Variants in LSM4 observed in about 807,000 individuals in gnomAD.
The protein encoded by LSM4 is U6 snRNA-associated Sm-like protein LSm4.
Under a neutral mutation model 22.3 loss-of-function variants are expected in LSM4, and 15 were observed. That is an observed-to-expected ratio of 0.67 (90% CI 0.45 to 1.03). The LOEUF (loss-of-function observed/expected upper bound fraction) is 1.03, where lower values mean the gene tolerates loss of function less well. Among genes scored for constraint, LSM4 ranks in the 50% least tolerant of loss-of-function variants. LSM4 has a pLI of 0.00. For missense variants in LSM4, 127 were observed against 198.0 expected (o/e 0.64, Z 2.15); for synonymous variants, 90 against 79.8 (o/e 1.13, Z -0.68).
At chr19:18,320,862 C>G (rs949350719) in intron 1 of LSM4, among the ~76,000 whole-genome samples, 1 of 152,140 alleles carries the variant, frequency 6.6e-6, no homozygotes, top group Non-Finnish European at 1.5e-5. Flanking sequence ...AGGCCCCACC[C>G]TGGTTTATGG....
intron 1 of LSM4, among the ~76,000 whole-genome samples, chr19:18,316,917 A>T (rs1267345541): frequency 6.6e-6 from 1 of 152,128 alleles, no homozygotes; most frequent in Non-Finnish European, 1.5e-5. Context: ...GCCACATCTG[A>T]GCTGGTTTTA....
intron 3 of LSM4, among the ~76,000 whole-genome samples, chr19:18,311,574 G>A (rs767230943): frequency 3.9e-5 from 6 of 152,154 alleles, no homozygotes; most frequent in Admixed American, 6.5e-5. Flanking sequence ...TTCCAATACC[G>A]GAAGTGGACA....
intron 1 of LSM4, among the ~76,000 whole-genome samples, chr19:18,322,579 G>C (rs1161843181): frequency 6.6e-6 from 1 of 152,108 alleles, no homozygotes; most frequent in Non-Finnish European, 1.5e-5. Context: ...TGCAAGCTCT[G>C]AAATTCCTAA....
intron 2 of LSM4, among the ~76,000 whole-genome samples, chr19:18,314,887 T>C (rs865981135): frequency 1.6e-4 from 20 of 126,884 alleles, no homozygotes; most frequent in Non-Finnish European, 2.8e-4. Flanking sequence ...GTATGTAATA[T>C]TATCCTTTTT....
intron 1 of LSM4, among the ~76,000 whole-genome samples, chr19:18,318,459 G>A (rs993515257): frequency 2.4e-4 from 37 of 152,388 alleles, no homozygotes; most frequent in African/African-American, 8.9e-4. Context: ...AGGCAGGGGA[G>A]GAGGGCTGCG....
intron 3 of LSM4, chr19:18,312,372 G>A (rs1970307731): frequency 4.0e-6 from 2 of 496,540 alleles, no homozygotes; most frequent in East Asian, 3.7e-5. Flanking sequence ...GTCAGGGGTG[G>A]CACCAACAGA....
intron 2 of LSM4, among the ~76,000 whole-genome samples, 172 bp from the exon 3 acceptor site, chr19:18,312,874 C>G (rs977226677): frequency 6.6e-6 from 1 of 152,210 alleles, no homozygotes; most frequent in African/African-American, 2.4e-5. Flanking sequence ...CTCCGCTAGA[C>G]ACTTCGCTGG....
In LSM4 at chr19:18,319,140, G is replaced by A. The variant is rs139582294; in HGVS notation, c.4-3075C>T. ...AACTGTAATCCCAGCTACTCAGGAG[G>A]CTGAGGCAGGAGAATCGCTTGAAAC... On this transcript the variant is annotated intron_variant, in intron 1 of 4. Transcript: ENST00000593829. 2.0e-3 allele frequency among the ~76,000 whole-genome samples: 299 copies of A among 152,266 alleles called. 9 individuals carry two copies. The East Asian group carries it at 0.048, about 24-fold the overall frequency.
intron 2 of LSM4, 109 bp downstream of exon 2, chr19:18,315,915 C>G (rs567574358): frequency 1.0e-6 from 1 of 958,830 alleles, no homozygotes; most frequent in Admixed American, 1.9e-5. Context: ...AGAGAGCAAA[C>G]TGCCATGCTG....
chr19:18,320,314 C>T (rs1970412256), intron 1 of LSM4, among the ~76,000 whole-genome samples: 1 of 152,056 alleles, frequency 6.6e-6, no homozygotes, highest in Admixed American at 6.6e-5. Context: ...ATGAGACCAG[C>T]TTGGGCAACA....
intron 1 of LSM4, among the ~76,000 whole-genome samples, chr19:18,322,729 T>C (rs543135881): frequency 6.1e-5 from 9 of 147,926 alleles, no homozygotes; most frequent in African/African-American, 2.2e-4. Context: ...ATCCCCACCT[T>C]TTTTTTTTTT....
At chr19:18,307,741 T>C (rs1176060338) in intron 4 of LSM4, among the ~76,000 whole-genome samples, 186 bp from the exon 5 acceptor site, 2 of 151,614 alleles carry the variant, frequency 1.3e-5, no homozygotes, top group Non-Finnish European at 2.9e-5. Context: ...AGGCAGGAAC[T>C]CCAGGGCATC....
chr19:18,316,644 G>A (rs1361180977), intron 1 of LSM4, among the ~76,000 whole-genome samples: 1 of 152,094 alleles, frequency 6.6e-6, no homozygotes, highest in Admixed American at 6.6e-5. Flanking sequence ...CACCGTGCCT[G>A]CCCTAATGCT....
chr19:18,312,783 TG>T, intron 2 of LSM4, 81 bp from the exon 3 acceptor site: 1 of 1,056,412 alleles, frequency 9.5e-7, no homozygotes, highest in Non-Finnish European at 1.5e-6. Flanking sequence ...AGCTCTGCCC[TG>T]AGATGGACCA....
Position 18,314,085 on chromosome 19 carries a change from G to A in LSM4, c.46-1383C>T, listed in dbSNP as rs997753492. Among the ~76,000 whole-genome samples, 18 of 152,072 alleles carry A rather than the reference G, an allele frequency of 1.2e-4. 1 individual carries two copies. Among genetic ancestry groups the A allele is most frequent in the Admixed American group, 1.2e-3 (18 of 15,242 alleles). On this transcript the variant is annotated intron_variant, in intron 2 of 4. Transcript: ENST00000593829. ...CGCCTTGGCCTCCCACCAGGGCTGA[G>A]ATTTTTAAATGACTCAACTTAGGCA...
chr19:18,306,826 G>C lies in LSM4; in HGVS notation c.*638C>G, dbSNP rs530635920. ...AAAAGGAAGCTTCCCTTACGGGAAC[G>C]GGGATTTCCTGAGAGTCCAGCGATG... On this transcript the variant is annotated 3_prime_UTR_variant, in exon 5 of 5. Transcript: ENST00000593829. The C allele has an allele frequency of 6.6e-6, 1 of 152,266 alleles. No individual in the cohort carries two copies. Among genetic ancestry groups the C allele is most frequent in the Admixed American group, 6.5e-5 (1 of 15,288 alleles). The allele number at this position is 152,266 out of a possible 1,614,324, so 9.4% of individuals were successfully genotyped here.
chr19:18,312,938 G>A (rs1253381091), intron 2 of LSM4, among the ~76,000 whole-genome samples: 1 of 152,222 alleles, frequency 6.6e-6, no homozygotes, highest in Non-Finnish European at 1.5e-5. Flanking sequence ...AAATGATACT[G>A]GGCCGGGCGC....
chr19:18,321,465 C>T (rs745449906), intron 1 of LSM4, among the ~76,000 whole-genome samples: 1 of 152,198 alleles, frequency 6.6e-6, no homozygotes, highest in African/African-American at 2.4e-5. Flanking sequence ...TTGCTTATTC[C>T]TAGGTATAGG....
In LSM4 at chr19:18,323,017, C is replaced by T; in HGVS notation, c.3+1G>A. 1 of 1,576,250 alleles carries T rather than the reference C, an allele frequency of 6.3e-7. No homozygotes were observed. Among genetic ancestry groups the T allele is most frequent in the Non-Finnish European group, 8.6e-7 (1 of 1,167,286 alleles). On this transcript the variant is annotated splice_donor_variant, in intron 1 of 4. Coordinates refer to ENST00000593829, the MANE Select transcript of LSM4 (RefSeq NM_012321.5). LOFTEE classifies it high-confidence loss of function. ...AGACCCCGCAGTTGCCCTGCCCTCA[C>T]CATGGTGCCGGCGGGGACCGGGCTC...
Sources: gnomAD v4.1 joint callset for allele counts (sites outside exome capture counted in the v4.1 genomes callset) on GRCh38, gnomAD v4.1.1 for gene constraint, MANE v1.5 for transcripts, NCBI Gene and HGNC (gene_info 2026-07-23, HGNC 2026-07-21) for gene names.